FAAH2: variants seen among roughly 807,000 people sequenced by gnomAD.
FAAH2 encodes the protein fatty-acid amide hydrolase 2.
FAAH2 carries 60 observed loss-of-function variants against 36.9 expected under a neutral mutation model. That is an observed-to-expected ratio of 1.63 (90% CI 1.32 to 2.02). FAAH2 has a LOEUF of 2.02. Among genes scored for constraint, FAAH2 ranks in the 30% most tolerant of loss-of-function variants. The pLI is 0.00. For synonymous variants in FAAH2, 214 were observed against 143.8 expected, an observed-to-expected ratio of 1.49 and a Z score of -3.49; for missense variants, 689 against 397.5, an observed-to-expected ratio of 1.73 and a Z score of -6.23.
chrX:57,188,581 T>G, the FAAH2 span, among the ~76,000 whole-genome samples: 1 of 110,765 alleles, frequency 9.0e-6, no homozygotes, highest in Non-Finnish European at 1.9e-5. Context: ...TCTTAGTTAT[T>G]TCTCGTCTTC....
intron 10 of FAAH2, among the ~76,000 whole-genome samples, chrX:57,472,059 G>A (rs941882585): frequency 2.7e-5 from 3 of 112,040 alleles, no homozygotes; most frequent in African/African-American, 9.7e-5. Context: ...GCTGAAACTG[G>A]ATCCCTTCCT....
chrX:57,240,583 C>T, the FAAH2 span, among the ~76,000 whole-genome samples: 1 of 112,067 alleles, frequency 8.9e-6, no homozygotes, highest in Non-Finnish European at 1.9e-5. Context: ...TCTGCAAGTG[C>T]ACACAGTCTC....
intron 8 of FAAH2, among the ~76,000 whole-genome samples, chrX:57,443,256 T>A (rs767364254): frequency 1.8e-5 from 2 of 111,965 alleles, no homozygotes; most frequent in South Asian, 7.5e-4. Context: ...ACCAATCAGA[T>A]GTAGATTTGG....
At chrX:57,268,096 A>C in the FAAH2 span, among the ~76,000 whole-genome samples, 1 of 112,082 alleles carries the variant, frequency 8.9e-6, no homozygotes, top group Non-Finnish European at 1.9e-5. Flanking sequence ...AGGAATCAAA[A>C]ATTATGATAA....
chrX:57,242,985 G>A, the FAAH2 span, among the ~76,000 whole-genome samples: 1 of 112,240 alleles, frequency 8.9e-6, no homozygotes, highest in East Asian at 2.8e-4. Flanking sequence ...CCCCCGGAAA[G>A]CCCAGCAAGC....
At position 57,475,664 on chromosome X, in the gene FAAH2, G is replaced by A. The variant is rs181650416; in HGVS notation, c.1424-13093G>A. 4.1e-4 allele frequency among the ~76,000 whole-genome samples: 46 copies of A among 111,391 alleles called. 1 individual carries two copies. The highest frequency in any genetic ancestry group is 2.2e-3 in the Admixed American group (23 of 10,454). On this transcript the variant is annotated intron_variant, in intron 10 of 10. Coordinates refer to ENST00000374900, the MANE Select transcript of FAAH2 (RefSeq NM_174912.4). ...TTTGTTCTTTTTGCTTAGGATTGCC[G>A]TAGCTAAATGGGCTCTTTTCTGGTT... is the stretch of plus-strand genomic sequence containing the variant.
intron 7 of FAAH2, among the ~76,000 whole-genome samples, chrX:57,429,422 C>A (rs972498984): frequency 5.5e-5 from 6 of 108,898 alleles, no homozygotes; most frequent in South Asian, 7.8e-4. Context: ...AAATGGCCAA[C>A]AAACACATAA....
At chrX:57,456,525 A>G (rs1211931153) in intron 10 of FAAH2, among the ~76,000 whole-genome samples, 1 of 112,246 alleles carries the variant, frequency 8.9e-6, no homozygotes, top group East Asian at 2.8e-4. Context: ...AGAATAAACA[A>G]GATTGATATA....
At chrX:57,285,742 C>G (rs1424671813), upstream of FAAH2, among the ~76,000 whole-genome samples, 1 of 111,858 alleles carries the variant, frequency 8.9e-6, no homozygotes, top group African/African-American at 3.3e-5. Flanking sequence ...TTTTCAGACA[C>G]CAGTCATGAG....
At chrX:57,234,179 T>G in the FAAH2 span, among the ~76,000 whole-genome samples, 1 of 112,225 alleles carries the variant, frequency 8.9e-6, no homozygotes, top group African/African-American at 3.2e-5. Context: ...TGTGCTAAGT[T>G]TGGCAACACA....
the FAAH2 span, among the ~76,000 whole-genome samples, chrX:57,202,955 C>T: frequency 8.9e-6 from 1 of 112,030 alleles, no homozygotes; most frequent in East Asian, 2.8e-4. Context: ...CAGACTAACA[C>T]TATTGTTTTC....
At chrX:57,443,369 C>T in intron 8 of FAAH2, among the ~76,000 whole-genome samples, 1 of 111,822 alleles carries the variant, frequency 8.9e-6, no homozygotes, top group East Asian at 2.8e-4. Flanking sequence ...CAACTTCAAT[C>T]ACTGTTACCC....
chrX:57,327,370 G>T (rs1222485557), intron 3 of FAAH2, among the ~76,000 whole-genome samples: 2 of 109,921 alleles, frequency 1.8e-5, no homozygotes, highest in African/African-American at 6.6e-5. Flanking sequence ...GTATTTCCTG[G>T]ATCTGAATGA....
At chrX:57,228,786 G>A in the FAAH2 span, among the ~76,000 whole-genome samples, 3 of 111,428 alleles carry the variant, frequency 2.7e-5, no homozygotes, top group East Asian at 2.8e-4. Context: ...CCATGATTCC[G>A]GTAACAAAAC....
chrX:57,339,366 T>C lies in FAAH2; in HGVS notation c.623-1905T>C, dbSNP rs1192523113. ...GACGTAGGCATGGGCAAACATTTCA[T>C]GATGAAAACACCAAAAGCATTTGCA... On this transcript the variant is annotated intron_variant, in intron 4 of 10. Coordinates refer to ENST00000374900, the MANE Select transcript of FAAH2 (RefSeq NM_174912.4). 2.7e-5 allele frequency among the ~76,000 whole-genome samples: 3 copies of C among 112,096 alleles called. No homozygotes were observed. The Admixed American group carries it at 2.8e-4, about 11-fold the overall frequency.
intron 10 of FAAH2, among the ~76,000 whole-genome samples, chrX:57,483,106 G>A (rs907109629): frequency 2.7e-5 from 3 of 111,232 alleles, no homozygotes; most frequent in Non-Finnish European, 5.7e-5. Context: ...ATGTTTTCAA[G>A]GTTGTTTATG....
intron 10 of FAAH2, among the ~76,000 whole-genome samples, chrX:57,466,045 TG>T (rs1192913185): frequency 1.9e-5 from 2 of 107,688 alleles, no homozygotes; most frequent in Admixed American, 1.0e-4. Flanking sequence ...TCTTTTTTCT[TG>T]TCTTCTTTCA....
At chrX:57,284,754 T>TA (rs201077912), upstream of FAAH2, among the ~76,000 whole-genome samples, 64 of 106,788 alleles carry the variant, frequency 6.0e-4, 1 homozygote, top group Middle Eastern at 4.8e-3. Context: ...TTTAAGATTG[T>TA]AAAAAAAAAA....
intron 10 of FAAH2, among the ~76,000 whole-genome samples, chrX:57,463,329 A>G (rs1569362232): frequency 9.0e-6 from 1 of 111,380 alleles, no homozygotes; most frequent in Non-Finnish European, 1.9e-5. Context: ...ATATGAAACA[A>G]AAAAAGAGCC....
Sources: allele counts gnomAD v4.1 joint callset (sites outside exome capture counted in the v4.1 genomes callset), GRCh38; gene constraint gnomAD v4.1.1; transcripts MANE v1.5; gene names NCBI Gene and HGNC (gene_info 2026-07-23, HGNC 2026-07-21).